PPP6R1: variants seen among roughly 807,000 people sequenced by gnomAD.
PPP6R1 encodes serine/threonine-protein phosphatase 6 regulatory subunit 1.
PPP6R1 carries 39 observed loss-of-function variants against 104.6 expected under a neutral mutation model. The observed-to-expected ratio is 0.37, with a 90% confidence interval of 0.29 to 0.49. The LOEUF is 0.49. Ranked by LOEUF, PPP6R1 falls within the 20% of genes least tolerant of loss-of-function variation. PPP6R1 has a pLI of 0.98. For synonymous variants in PPP6R1, 549 were observed against 479.0 expected, an observed-to-expected ratio of 1.15 and a Z score of -1.91; for missense variants, 1,181 against 1,155.8, an observed-to-expected ratio of 1.02 and a Z score of -0.32.
At chr19:55,239,082 T>C (rs924145477) in intron 15 of PPP6R1, 11 of 364,466 alleles carry the variant, frequency 3.0e-5, no homozygotes, top group Non-Finnish European at 4.7e-5. Context: ...CCTGAGCCCC[T>C]CCCGCCTGGA....
chr19:55,231,274 A>C (rs2087342800), intron 21 of PPP6R1, 136 bp downstream of exon 21: 3 of 1,076,618 alleles, frequency 2.8e-6, no homozygotes, highest in African/African-American at 1.6e-5. Flanking sequence ...GGGCTGGGGC[A>C]CAACATGAGG....
At chr19:55,257,952 A>G (rs1186564339) in intron 1 of PPP6R1, among the ~76,000 whole-genome samples, 1 of 152,204 alleles carries the variant, frequency 6.6e-6, no homozygotes, top group Non-Finnish European at 1.5e-5. Context: ...GGGTCGGTCA[A>G]GGTGAAAACA....
In PPP6R1 at chr19:55,241,279, G is replaced by T. The variant is rs185704163; in HGVS notation, c.1121C>A (p.Thr374Lys). Residue 374 changes from threonine to lysine, a missense_variant, in exon 9 of 24, where the codon ACG becomes AAG. This residue lies in a region of PPP6R1 where 1,042 missense variants were observed against 955.6 expected (regional missense o/e 1.09). Transcript: ENST00000412770. This position sits in a 1 kb window ranked among gnomAD's most constrained non-coding sequence, Gnocchi z 5.4. ...SALSANDAAL[T>K]HELLALDVPN... ...CACGTCCAGTGCCAGGAGCTCGTGC[G>T]TCAGGGCTGCATCATTGGCGCTCAG... The T allele has an allele frequency of 6.2e-7, 1 of 1,609,688 alleles. No individual in the cohort carries two copies.
At chr19:55,251,645 C>G (rs992122496) in intron 1 of PPP6R1, among the ~76,000 whole-genome samples, 1 of 152,208 alleles carries the variant, frequency 6.6e-6, no homozygotes, top group African/African-American at 2.4e-5. Context: ...CCCACCTCCC[C>G]ACTTCTGCCC....
At chr19:55,257,477 G>A (rs2087601940) in intron 1 of PPP6R1, among the ~76,000 whole-genome samples, 1 of 152,172 alleles carries the variant, frequency 6.6e-6, no homozygotes, top group Non-Finnish European at 1.5e-5. Flanking sequence ...GGATAAGCAC[G>A]CCGGGCGGAA....
At chr19:55,244,857 C>T (rs1239850948) in intron 5 of PPP6R1, among the ~76,000 whole-genome samples, 1 of 151,968 alleles carries the variant, frequency 6.6e-6, no homozygotes, top group Non-Finnish European at 1.5e-5. Context: ...AATCCTCCTA[C>T]CTGAGCTTCC....
chr19:55,257,079 A>T (rs997738218), intron 1 of PPP6R1, among the ~76,000 whole-genome samples: 9 of 103,504 alleles, frequency 8.7e-5, no homozygotes, highest in Admixed American at 2.6e-4. Context: ...AACTAGAGTT[A>T]AAAAAAAAAA....
Position 55,231,114 on chromosome 19 carries a change from G to A in PPP6R1, c.2460-230C>T, listed in dbSNP as rs2288514. 2.2e-4 allele frequency among the ~76,000 whole-genome samples: 34 copies of A among 152,236 alleles called. 1 individual carries two copies. In the East Asian group the frequency reaches 5.6e-3, roughly 25 times the overall value. On this transcript the variant is annotated intron_variant, in intron 21 of 23. Transcript: ENST00000412770. ...TCCTGTCCCTGTGGAGGAGGTACTC[G>A]AGGCCGGCTGAGACAGCCCCAAAGG...
chr19:55,240,876 G>C (rs1357481401), intron 10 of PPP6R1, 69 bp downstream of exon 10: 1 of 1,546,524 alleles, frequency 6.5e-7, no homozygotes, highest in African/African-American at 1.4e-5. Flanking sequence ...GTGAGGGGTA[G>C]GCCTCTGGAG....
chr19:55,240,322 T>C, intron 10 of PPP6R1, 22 bp from the exon 11 acceptor site: 2 of 1,576,256 alleles, frequency 1.3e-6, no homozygotes, highest in South Asian at 1.2e-5. Flanking sequence ...CGGGACAGGA[T>C]GGCCTGGAGG....
At chr19:55,254,530 A>G (rs1252339682) in intron 1 of PPP6R1, among the ~76,000 whole-genome samples, 1 of 152,058 alleles carries the variant, frequency 6.6e-6, no homozygotes, top group Non-Finnish European at 1.5e-5. Flanking sequence ...GCCCAAGCAC[A>G]GCTCTGCCGC....
chr19:55,235,956 A>C (rs959641015), intron 17 of PPP6R1, among the ~76,000 whole-genome samples: 1 of 147,118 alleles, frequency 6.8e-6, no homozygotes, highest in Non-Finnish European at 1.5e-5. Flanking sequence ...CTTCCACCTC[A>C]GCCTCTCAAG....
Position 55,242,421 on chromosome 19 carries a change from A to T in PPP6R1, c.686T>A (p.Val229Asp), listed in dbSNP as rs1243937552. 1.2e-6 allele frequency: 2 copies of T among 1,613,996 alleles called. No homozygotes were observed. The highest frequency in any genetic ancestry group is 3.3e-5 in the Admixed American group (2 of 60,030). ...TTGGTCAGGCTCTGGGCTGTCCTGG[A>T]CTTGGATCATCTGCTCCCGGCTCAG... The part of the protein sequence containing the change: ...IRLSREQMIQ[V>D]QDSPEPDQLL... The change falls in exon 6 of 24, where the codon GTC becomes GAC. Residue 229 changes from valine to aspartate, a missense_variant. Physicochemically the swap from Val to Asp is radical, Grantham distance 152 (BLOSUM62 -3). Coordinates refer to ENST00000412770, the MANE Select transcript of PPP6R1 (RefSeq NM_014931.4).
Position 55,242,503 on chromosome 19 carries a change from G to A in PPP6R1, c.619-15C>T. The A allele has an allele frequency of 1.2e-6, 2 of 1,604,276 alleles. No individual in the cohort carries two copies. Among genetic ancestry groups the A allele is most frequent in the South Asian group, 2.2e-5 (2 of 90,838 alleles). Reference sequence around the variant, plus strand: ...TTGGAATGTTGCTGGAACGGGGAGAGACAGGTGAGGATCCTGGTCGGGCCA... The same window carrying A: ...TTGGAATGTTGCTGGAACGGGGAGAAACAGGTGAGGATCCTGGTCGGGCCA... On this transcript the variant is annotated splice_polypyrimidine_tract_variant and intron_variant, in intron 5 of 23. Coordinates refer to ENST00000412770, the MANE Select transcript of PPP6R1 (RefSeq NM_014931.4).
chr19:55,240,514 TACAC>T (rs777717878), intron 10 of PPP6R1, among the ~76,000 whole-genome samples: 11,486 of 135,866 alleles, frequency 0.085, 842 homozygotes, highest in African/African-American at 0.21. Context: ...ATGTGGTGCA[TACAC>T]ACACACACAC....
In PPP6R1 at chr19:55,239,439, C is replaced by A; in HGVS notation, c.1717G>T (p.Asp573Tyr). Residue 573 changes from aspartate to tyrosine, a missense_variant, in exon 15 of 24, where the codon GAT becomes TAT. By Grantham distance (160) the Asp-to-Tyr change is radical. Around this residue, in one of 2 missense-constraint regions of PPP6R1, gnomAD observed 1,042 missense variants for 955.6 expected, o/e 1.09. Coordinates refer to ENST00000412770, the MANE Select transcript of PPP6R1 (RefSeq NM_014931.4). The part of the protein sequence containing the change: ...SAFIDHFGFN[D>Y]EEFGEQEESV... Reference sequence around the variant, plus strand: ...TCCTCCTGCTCCCCAAACTCCTCATCATTGAAGCCGAAGTGGTCAATGAAG... The same window carrying A: ...TCCTCCTGCTCCCCAAACTCCTCATAATTGAAGCCGAAGTGGTCAATGAAG... 2 of 1,613,996 alleles carry A rather than the reference C, an allele frequency of 1.2e-6. No individual in the cohort carries two copies. The highest frequency in any genetic ancestry group is 1.7e-6 in the Non-Finnish European group (2 of 1,179,886).
intron 1 of PPP6R1, 28 bp from the exon 2 acceptor site, chr19:55,247,137 C>T (rs367609288): frequency 8.1e-6 from 13 of 1,600,946 alleles, no homozygotes; most frequent in Admixed American, 3.3e-5. Context: ...ACCAGCGCCG[C>T]GTCAGACGCC....
intron 1 of PPP6R1, among the ~76,000 whole-genome samples, chr19:55,248,481 G>A (rs897445469): frequency 2.6e-5 from 4 of 152,268 alleles, no homozygotes; most frequent in Admixed American, 1.3e-4. Flanking sequence ...AGTCACTACA[G>A]AGGATGCTGA....
rs1204756990 is a variant in PPP6R1 at position 55,245,447 on chromosome 19, A to C, written c.414+45T>G. ...GTCATGCACAGGGCCTGGCCCAGCC[A>C]CCACCCCTCAACCCACGGTGGCGCC... On this transcript the variant is annotated intron_variant, in intron 3 of 23. Transcript: ENST00000412770. The surrounding 1 kb of genome is among the most constrained non-coding windows in gnomAD (Gnocchi z 6.4). The C allele has an allele frequency of 6.2e-7, 1 of 1,611,858 alleles. No homozygotes were observed. Among genetic ancestry groups the C allele is most frequent in the East Asian group, 2.2e-5 (1 of 44,818 alleles).
Sources: gnomAD v4.1 joint callset for allele counts (sites outside exome capture counted in the v4.1 genomes callset) on GRCh38, gnomAD v4.1.1 for gene constraint, gnomAD v4.1.1 regional missense constraint, Gnocchi (gnomAD v3.1) non-coding constraint, MANE v1.5 for transcripts, NCBI Gene and HGNC (gene_info 2026-07-23, HGNC 2026-07-21) for gene names.